The following NAV3 variants were observed in gnomAD, a reference collection of about 807,000 sequenced individuals.
NAV3 encodes pore membrane and/or filament interacting like protein 1.
A neutral mutation model predicts 244.7 loss-of-function variants in NAV3; 87 were observed. The observed-to-expected ratio is 0.36, with a 90% CI of 0.30 to 0.42. NAV3 has a LOEUF of 0.42. Among genes scored for constraint, NAV3 ranks in the 20% least tolerant of loss-of-function variants. NAV3 has a pLI of 1.00. For synonymous variants in NAV3, 1,126 were observed against 1,042.2 expected (o/e 1.08, Z -1.55); for missense variants, 2,663 against 2,893.3 (o/e 0.92, Z 1.83).
At chr12:77,603,804 A>G (rs572804250) in intron 2 of NAV3, among the ~76,000 whole-genome samples, 2 of 152,084 alleles carry the variant, frequency 1.3e-5, no homozygotes, top group Admixed American at 6.6e-5. Flanking sequence ...TCCTTTAAAT[A>G]TGCTTATAGG....
intron 2 of NAV3, among the ~76,000 whole-genome samples, chr12:77,763,222 C>T (rs528944629): frequency 6.6e-6 from 1 of 152,126 alleles, no homozygotes; most frequent in African/African-American, 2.4e-5. Context: ...AATATTGGTC[C>T]CTTAACCATA....
chr12:77,652,425 TTTAAAGAAAC>T (rs1331441991), intron 2 of NAV3, among the ~76,000 whole-genome samples: 5 of 152,190 alleles, frequency 3.3e-5, no homozygotes, highest in Admixed American at 3.3e-4. Context: ...TATCTGTCAT[TTTAAAGAAAC>T]ATTTTAATTC....
chr12:78,092,616 C>G (rs1297258412), intron 12 of NAV3, among the ~76,000 whole-genome samples: 1 of 147,406 alleles, frequency 6.8e-6, no homozygotes, highest in Non-Finnish European at 1.5e-5. Context: ...TTTCCTGGCT[C>G]AGCCTCCCGA....
chr12:77,616,726 G>GCACACACACACA (rs201827482), intron 2 of NAV3, among the ~76,000 whole-genome samples: 43 of 148,322 alleles, frequency 2.9e-4, no homozygotes, highest in African/African-American at 1.1e-3. Flanking sequence ...CTACACACAG[G>GCACACACACACA]CGCGCACACA....
intron 8 of NAV3, among the ~76,000 whole-genome samples, chr12:78,016,153 C>G (rs1448855683): frequency 1.3e-5 from 2 of 151,840 alleles, no homozygotes; most frequent in Admixed American, 1.3e-4. Context: ...CTTTAAGGAA[C>G]TTGTATGTCT....
Position 77,863,951 on chromosome 12 carries a change from A to G in NAV3, c.243+32247A>G, listed in dbSNP as rs180708350. On this transcript the variant is annotated intron_variant, in intron 1 of 39. Coordinates refer to ENST00000397909, the MANE Select transcript of NAV3 (RefSeq NM_001024383.2). ...ATACAGGGCAATCAAGTTAATAGTAAGACATCTCCAATTTCTCAAACACTA... is the reference window on the plus strand; with the variant it reads ...ATACAGGGCAATCAAGTTAATAGTAGGACATCTCCAATTTCTCAAACACTA... Among the ~76,000 whole-genome samples, 391 of 152,018 alleles carry G rather than the reference A, an allele frequency of 2.6e-3. 1 individual carries two copies. The highest frequency in any genetic ancestry group is 9.2e-3 in the African/African-American group (381 of 41,556).
At chr12:78,207,058 A>G (rs200220917) in intron 39 of NAV3, among the ~76,000 whole-genome samples, 140 of 151,990 alleles carry the variant, frequency 9.2e-4, no homozygotes, top group East Asian at 4.3e-3. Flanking sequence ...GGGTTTCTCT[A>G]TGTTGATCAG....
chr12:78,081,790 C>T (rs61936210), intron 12 of NAV3, among the ~76,000 whole-genome samples: 18,283 of 152,166 alleles, frequency 0.12, 1,144 homozygotes, highest in South Asian at 0.19. Flanking sequence ...CTCAAGTGCC[C>T]CTTTCCCCGG....
chr12:77,694,195 G>A (rs1261202626), intron 2 of NAV3, among the ~76,000 whole-genome samples: 1 of 151,948 alleles, frequency 6.6e-6, no homozygotes, highest in African/African-American at 2.4e-5. Flanking sequence ...GGCCGGGCAT[G>A]GTGGCTCATG....
At chr12:77,952,696 C>T (rs898121882) in intron 3 of NAV3, among the ~76,000 whole-genome samples, 10 of 152,086 alleles carry the variant, frequency 6.6e-5, no homozygotes, top group Admixed American at 6.6e-5. Context: ...TTATTTGGCT[C>T]CTCTGCTTCT....
At chr12:77,649,285 G>A (rs77293977) in intron 2 of NAV3, among the ~76,000 whole-genome samples, 8,119 of 152,030 alleles carry the variant, frequency 0.053, 511 homozygotes, top group African/African-American at 0.16. Context: ...TTTGATCTGC[G>A]GCTGTTCACA....
intron 34 of NAV3, among the ~76,000 whole-genome samples, chr12:78,193,353 A>G (rs1593996315): frequency 6.6e-6 from 1 of 152,206 alleles, no homozygotes; most frequent in East Asian, 1.9e-4. Context: ...AGGTGGATTT[A>G]GTAGAGAATA....
At chr12:78,148,450 A>C (rs1237704215) in intron 21 of NAV3, among the ~76,000 whole-genome samples, 1 of 152,282 alleles carries the variant, frequency 6.6e-6, no homozygotes, top group South Asian at 2.1e-4. Flanking sequence ...AGTATCTTTT[A>C]CTAAAAAAGA....
intron 12 of NAV3, among the ~76,000 whole-genome samples, chr12:78,092,319 G>A (rs1023748881): frequency 1.3e-5 from 2 of 151,880 alleles, no homozygotes; most frequent in South Asian, 2.1e-4. Context: ...CAGAAAGGAC[G>A]TTGGAGGGGT....
At chr12:77,625,525 A>G (rs1170342861) in intron 2 of NAV3, among the ~76,000 whole-genome samples, 1 of 152,170 alleles carries the variant, frequency 6.6e-6, no homozygotes, top group African/African-American at 2.4e-5. Flanking sequence ...TGATTATAGG[A>G]AGAAATTTTG....
chr12:77,974,576 G>A (rs1565977117), intron 5 of NAV3, among the ~76,000 whole-genome samples: 3 of 152,064 alleles, frequency 2.0e-5, no homozygotes, highest in Non-Finnish European at 2.9e-5. Context: ...GGGATTATAG[G>A]CCTGAGCCAT....
At chr12:78,145,874 A>T (rs1956843984) in intron 20 of NAV3, among the ~76,000 whole-genome samples, 1 of 152,172 alleles carries the variant, frequency 6.6e-6, no homozygotes, top group Non-Finnish European at 1.5e-5. Context: ...AGAGGTCTGT[A>T]TGTTACCCCA....
chr12:78,164,244 G>A (rs1240966404), intron 23 of NAV3, among the ~76,000 whole-genome samples: 1 of 152,022 alleles, frequency 6.6e-6, no homozygotes, highest in African/African-American at 2.4e-5. Flanking sequence ...GGTATGAGGG[G>A]TTTTTCTTGT....
intron 2 of NAV3, among the ~76,000 whole-genome samples, chr12:77,590,021 C>T (rs1378843367): frequency 5.3e-5 from 8 of 152,188 alleles, no homozygotes; most frequent in Non-Finnish European, 1.2e-4. Flanking sequence ...AGTAAGCCTC[C>T]ATTAAAGATT....
Sources: allele counts gnomAD v4.1 joint callset (sites outside exome capture counted in the v4.1 genomes callset), GRCh38; gene constraint gnomAD v4.1.1; transcripts MANE v1.5; gene names NCBI Gene and HGNC (gene_info 2026-07-23, HGNC 2026-07-21).